The following GTF2F2 variants were observed in gnomAD, a reference collection of about 807,000 sequenced individuals.
GTF2F2 encodes the protein ATP-dependent helicase GTF2F2.
A neutral mutation model predicts 42.2 loss-of-function variants in GTF2F2; 23 were observed. The observed-to-expected ratio is 0.55, with a 90% CI of 0.39 to 0.77. The LOEUF is 0.77. Among genes scored for constraint, GTF2F2 ranks in the 30% least tolerant of loss-of-function variants. The pLI, the probability that GTF2F2 is intolerant of heterozygous loss-of-function variation, is 0.00. For synonymous variants in GTF2F2, 105 were observed against 100.8 expected, an observed-to-expected ratio of 1.04 and a Z score of -0.25; for missense variants, 261 against 287.2, an observed-to-expected ratio of 0.91 and a Z score of 0.66.
At chr13:45,231,098 T>A (rs559092876) in intron 5 of GTF2F2, among the ~76,000 whole-genome samples, 30 of 151,736 alleles carry the variant, frequency 2.0e-4, no homozygotes, top group African/African-American at 6.0e-4. Flanking sequence ...TTATTTATTT[T>A]TTTATTTATT....
At chr13:45,229,678 C>A (rs1165211597) in intron 5 of GTF2F2, among the ~76,000 whole-genome samples, 1 of 151,878 alleles carries the variant, frequency 6.6e-6, no homozygotes, top group East Asian at 1.9e-4. Context: ...AGAGAGCTGT[C>A]GACAGAAAGG....
In GTF2F2 at chr13:45,236,655, G is replaced by C. The variant is rs577796238; in HGVS notation, c.387-16216G>C. Among the ~76,000 whole-genome samples, 3 of 152,086 alleles carry C rather than the reference G, an allele frequency of 2.0e-5. No homozygotes were observed. The South Asian group carries it at 6.2e-4, about 32-fold the overall frequency. On this transcript the variant is annotated intron_variant, in intron 5 of 7. Transcript: ENST00000340473. ...AAAAGCATTAGCCTATTTGACTGTTGAGGTAAAAATAATGCATATGAAATA... is the reference window on the plus strand; with the variant it reads ...AAAAGCATTAGCCTATTTGACTGTTCAGGTAAAAATAATGCATATGAAATA...
chr13:45,200,891 A>G (rs1296824264), intron 4 of GTF2F2, among the ~76,000 whole-genome samples: 4 of 152,208 alleles, frequency 2.6e-5, no homozygotes, highest in Non-Finnish European at 5.9e-5. Flanking sequence ...TGATGTAATT[A>G]AGAGTCAGGA....
intron 2 of GTF2F2, among the ~76,000 whole-genome samples, chr13:45,147,626 G>T (rs1304726650): frequency 6.6e-6 from 1 of 152,158 alleles, no homozygotes; most frequent in African/African-American, 2.4e-5. Context: ...CTCGTTTTAA[G>T]ATACTTCCTC....
chr13:45,210,959 T>G (rs1407697066), intron 5 of GTF2F2, among the ~76,000 whole-genome samples: 1 of 152,220 alleles, frequency 6.6e-6, no homozygotes, highest in African/African-American at 2.4e-5. Flanking sequence ...AAGGTGGTTC[T>G]AGTCAGAAGG....
At chr13:45,227,541 A>T (rs1489318334) in intron 5 of GTF2F2, among the ~76,000 whole-genome samples, 2 of 152,230 alleles carry the variant, frequency 1.3e-5, no homozygotes, top group Non-Finnish European at 2.9e-5. Context: ...AAACTTTTTT[A>T]AAAAACAAAT....
chr13:45,157,149 G>A (rs1287344632), intron 4 of GTF2F2, among the ~76,000 whole-genome samples: 3 of 152,156 alleles, frequency 2.0e-5, no homozygotes, highest in Non-Finnish European at 4.4e-5. Flanking sequence ...GAGTTAGCCA[G>A]CTAGGAGTTT....
At chr13:45,171,868 T>A (rs1871616579) in intron 4 of GTF2F2, among the ~76,000 whole-genome samples, 1 of 146,578 alleles carries the variant, frequency 6.8e-6, no homozygotes, top group Non-Finnish European at 1.5e-5. Flanking sequence ...TTTGTGACCT[T>A]TTTTTTTTTT....
chr13:45,258,439 G>A (rs1234840700), intron 6 of GTF2F2, among the ~76,000 whole-genome samples: 1 of 151,076 alleles, frequency 6.6e-6, no homozygotes, highest in Non-Finnish European at 1.5e-5. Context: ...CTGGAAACCC[G>A]CTAGCAAGGG....
At chr13:45,147,845 C>T (rs770555153) in intron 2 of GTF2F2, among the ~76,000 whole-genome samples, 1 of 152,192 alleles carries the variant, frequency 6.6e-6, no homozygotes, top group Non-Finnish European at 1.5e-5. Flanking sequence ...GGAAATCCCC[C>T]ATGTTTTCGA....
chr13:45,163,175 A>G (rs913040089), intron 4 of GTF2F2, among the ~76,000 whole-genome samples: 2 of 152,180 alleles, frequency 1.3e-5, no homozygotes, highest in African/African-American at 2.4e-5. Context: ...ATGACAGGCT[A>G]TACAAACATA....
chr13:45,170,517 G>A (rs1260220040), intron 4 of GTF2F2, among the ~76,000 whole-genome samples: 1 of 152,202 alleles, frequency 6.6e-6, no homozygotes, highest in African/African-American at 2.4e-5. Context: ...GAGTTTTGCA[G>A]TCTTGAAATC....
At chr13:45,255,675 A>T (rs1876074733) in intron 6 of GTF2F2, among the ~76,000 whole-genome samples, 1 of 152,276 alleles carries the variant, frequency 6.6e-6, no homozygotes, top group Middle Eastern at 3.4e-3. Context: ...CTACGTGTAA[A>T]TAGAGATTCT....
chr13:45,211,692 A>T (rs1487769732), intron 5 of GTF2F2, among the ~76,000 whole-genome samples: 2 of 151,626 alleles, frequency 1.3e-5, no homozygotes, highest in Admixed American at 6.6e-5. Context: ...GGTTCAAATG[A>T]TGCTCCTGCC....
At chr13:45,240,139 T>G (rs575795259) in intron 5 of GTF2F2, among the ~76,000 whole-genome samples, 1 of 134,250 alleles carries the variant, frequency 7.4e-6, no homozygotes, top group East Asian at 2.1e-4. Flanking sequence ...GTTCTTAGCC[T>G]GAACACCAAC....
chr13:45,134,395 G>A (rs1454335009), intron 1 of GTF2F2, among the ~76,000 whole-genome samples: 1 of 152,098 alleles, frequency 6.6e-6, no homozygotes, highest in African/African-American at 2.4e-5. Flanking sequence ...CCTGAGGTGG[G>A]GGTCTGCCAA....
intron 4 of GTF2F2, among the ~76,000 whole-genome samples, chr13:45,200,329 A>G (rs1052839633): frequency 1.4e-4 from 22 of 152,076 alleles, no homozygotes; most frequent in Admixed American, 1.1e-3. Flanking sequence ...ATAAAATTAA[A>G]TTTTATTTTT....
At chr13:45,247,003 C>T (rs1378039640) in intron 5 of GTF2F2, among the ~76,000 whole-genome samples, 27 of 147,258 alleles carry the variant, frequency 1.8e-4, no homozygotes, top group Non-Finnish European at 3.0e-5. Context: ...AGCGCCACTG[C>T]ACTCCAGCCT....
intron 1 of GTF2F2, among the ~76,000 whole-genome samples, chr13:45,122,353 G>A (rs189125031): frequency 2.0e-5 from 3 of 152,148 alleles, no homozygotes; most frequent in Non-Finnish European, 4.4e-5. Context: ...TCACAGGATC[G>A]GGCTGGGCAT....
Sources: allele counts gnomAD v4.1 joint callset (sites outside exome capture counted in the v4.1 genomes callset), GRCh38; gene constraint gnomAD v4.1.1; transcripts MANE v1.5; gene names NCBI Gene and HGNC (gene_info 2026-07-23, HGNC 2026-07-21).